Variants in COBLL1 observed in about 807,000 individuals in gnomAD.
The protein encoded by COBLL1 is cordon-bleu protein-like 1.
Under a neutral mutation model 94.8 loss-of-function variants are expected in COBLL1, and 50 were observed. The observed-to-expected ratio is 0.53, with a 90% CI of 0.42 to 0.67. COBLL1 has a LOEUF of 0.67. COBLL1 is among the 30% of genes least tolerant of loss of function. The probability of loss-of-function intolerance (pLI) is 0.00; values close to 1 mark genes in which losing one functional copy is unlikely to be tolerated. For synonymous variants in COBLL1, 448 were observed against 473.8 expected (o/e 0.95, Z 0.71); for missense variants, 1,362 against 1,348.7 (o/e 1.01, Z -0.15).
intron 2 of COBLL1, among the ~76,000 whole-genome samples, chr2:164,757,568 C>T (rs1289209445): frequency 2.0e-5 from 3 of 149,696 alleles, no homozygotes; most frequent in Admixed American, 2.0e-4. Flanking sequence ...TATACACACA[C>T]ACCTCTCTCT....
chr2:164,666,827 G>C (rs1691166347), intron 1 of COBLL1, among the ~76,000 whole-genome samples: 2 of 152,158 alleles, frequency 1.3e-5, no homozygotes, highest in African/African-American at 4.8e-5. Flanking sequence ...TAGCTCTCTT[G>C]TTATTTCTAC....
chr2:164,782,358 C>T (rs1688756998), intron 2 of COBLL1, among the ~76,000 whole-genome samples: 1 of 152,094 alleles, frequency 6.6e-6, no homozygotes, highest in African/African-American at 2.4e-5. Flanking sequence ...TTTTAAATCA[C>T]CTAACTGAAA....
chr2:164,799,561 G>T (rs1470463597), intron 2 of COBLL1, among the ~76,000 whole-genome samples: 1 of 152,096 alleles, frequency 6.6e-6, no homozygotes, highest in Non-Finnish European at 1.5e-5. Context: ...CACAATTCCA[G>T]TCAAAACTCC....
intron 2 of COBLL1, among the ~76,000 whole-genome samples, chr2:164,826,679 A>G (rs1470068502): frequency 6.6e-6 from 1 of 152,218 alleles, no homozygotes; most frequent in Admixed American, 6.5e-5. Context: ...GCTGCCTGCC[A>G]AGTGCTGCTA....
chr2:164,763,659 T>G (rs1221687435), intron 2 of COBLL1, among the ~76,000 whole-genome samples: 1 of 152,154 alleles, frequency 6.6e-6, no homozygotes, highest in Non-Finnish European at 1.5e-5. Context: ...ATGAAAAAGA[T>G]CGCACACATT....
intron 2 of COBLL1, among the ~76,000 whole-genome samples, chr2:164,771,496 T>C (rs1213481855): frequency 2.6e-5 from 4 of 152,004 alleles, no homozygotes; most frequent in Non-Finnish European, 5.9e-5. Flanking sequence ...TTAAGTACAT[T>C]TTGCAAAACA....
At chr2:164,834,406 C>A (rs754925404) in intron 2 of COBLL1, among the ~76,000 whole-genome samples, 1 of 152,134 alleles carries the variant, frequency 6.6e-6, no homozygotes, top group African/African-American at 2.4e-5. Flanking sequence ...GTGCCAACAG[C>A]CAAGTCTAGT....
intron 2 of COBLL1, among the ~76,000 whole-genome samples, chr2:164,831,130 C>T (rs1209759129): frequency 6.6e-6 from 1 of 152,058 alleles, no homozygotes; most frequent in Non-Finnish European, 1.5e-5. Flanking sequence ...CGAGATTAGC[C>T]TGGCCAACAT....
chr2:164,695,421 G>A lies in COBLL1; in HGVS notation c.1971C>T (p.Phe657=), dbSNP rs774048874. The A allele has an allele frequency of 8.1e-6, 13 of 1,613,724 alleles. No individual in the cohort carries two copies. The highest frequency in any genetic ancestry group is 1.1e-5 in the Non-Finnish European group (13 of 1,179,888). Residue 657 remains phenylalanine, a synonymous_variant, in exon 12 of 14, where the codon TTC becomes TTT. Transcript: ENST00000652658. ...SQDSVNTSRE[F]RSQGTLIIHS... ...GTATAATTAGGGTGCCTTGACTCCT[G>A]AATTCCCTTGAGGTATTTACAGAAT...
At chr2:164,739,535 A>G (rs1298974092) in intron 3 of COBLL1, among the ~76,000 whole-genome samples, 1 of 152,240 alleles carries the variant, frequency 6.6e-6, no homozygotes, top group African/African-American at 2.4e-5. Flanking sequence ...ATTCTTCACA[A>G]TAAAGGCATA....
intron 2 of COBLL1, among the ~76,000 whole-genome samples, chr2:164,803,288 G>A (rs982677315): frequency 6.6e-6 from 1 of 152,080 alleles, no homozygotes; most frequent in African/African-American, 2.4e-5. Flanking sequence ...AAGTTTGGCC[G>A]GGCGCGGTGG....
chr2:164,691,086 C>G (rs576251639), intron 13 of COBLL1, among the ~76,000 whole-genome samples: 96 of 152,256 alleles, frequency 6.3e-4, no homozygotes, highest in Non-Finnish European at 1.1e-3. Flanking sequence ...CTCCTGTTTC[C>G]TCCACTCCTG....
At chr2:164,730,903 A>T (rs1221126681) in intron 3 of COBLL1, among the ~76,000 whole-genome samples, 3 of 152,170 alleles carry the variant, frequency 2.0e-5, no homozygotes, top group Non-Finnish European at 4.4e-5. Context: ...TGTAGTACAA[A>T]TTCTTTAATC....
intron 13 of COBLL1, among the ~76,000 whole-genome samples, chr2:164,690,295 T>A (rs960520899): frequency 3.9e-5 from 6 of 152,106 alleles, no homozygotes; most frequent in Admixed American, 6.6e-5. Flanking sequence ...ATTTTTATTT[T>A]AAAAAAATTA....
intron 2 of COBLL1, among the ~76,000 whole-genome samples, chr2:164,801,751 T>C (rs1157216914): frequency 1.3e-5 from 2 of 152,244 alleles, no homozygotes; most frequent in Non-Finnish European, 2.9e-5. Context: ...TATTTGTTCT[T>C]GTGCTACCTC....
chr2:164,664,081 A>T (rs995801576), intron 2 of COBLL1, among the ~76,000 whole-genome samples: 1 of 152,372 alleles, frequency 6.6e-6, no homozygotes, highest in East Asian at 1.9e-4. Context: ...AGATGAAGTG[A>T]CAGCTTCCCA....
intron 4 of COBLL1, among the ~76,000 whole-genome samples, chr2:164,728,852 C>G (rs79916544): frequency 6.6e-6 from 1 of 151,666 alleles, no homozygotes; most frequent in Non-Finnish European, 1.5e-5. Flanking sequence ...TTTAAAATTA[C>G]TACAAAGATT....
chr2:164,748,134 T>C (rs193015468), intron 2 of COBLL1, among the ~76,000 whole-genome samples: 4 of 152,254 alleles, frequency 2.6e-5, no homozygotes, highest in Non-Finnish European at 5.9e-5. Flanking sequence ...TAGGGTCAAT[T>C]ATATGTTAGT....
chr2:164,743,524 A>T (rs1686702210), intron 3 of COBLL1, 163 bp downstream of exon 3: 1 of 600,416 alleles, frequency 1.7e-6, no homozygotes, highest in African/African-American at 1.9e-5. Context: ...ATTGATAGAA[A>T]ATTTTTAACA....
Sources: allele counts gnomAD v4.1 joint callset (sites outside exome capture counted in the v4.1 genomes callset), GRCh38; gene constraint gnomAD v4.1.1; transcripts MANE v1.5; gene names NCBI Gene and HGNC (gene_info 2026-07-23, HGNC 2026-07-21).